Variants in IQGAP2 observed in about 807,000 individuals in gnomAD.
IQGAP2 encodes the protein IQ motif containing GTPase activating protein 2, also known as ras GTPase-activating-like protein IQGAP2.
In IQGAP2, 173 loss-of-function variants were observed where a neutral mutation model predicts 201.3. The observed-to-expected ratio is 0.86, with a 90% CI of 0.76 to 0.98. The LOEUF is 0.98. IQGAP2 is among the 50% of genes least tolerant of loss of function. The pLI, the probability that IQGAP2 is intolerant of heterozygous loss-of-function variation, is 0.00. For missense variants in IQGAP2, 1,687 were observed against 1,864.8 expected (o/e 0.90, Z 1.76); for synonymous variants, 675 against 673.9 (o/e 1.00, Z -0.03).
chr5:76,705,317 C>A (rs1231437723), intron 35 of IQGAP2, among the ~76,000 whole-genome samples: 1 of 152,154 alleles, frequency 6.6e-6, no homozygotes, highest in East Asian at 1.9e-4. Context: ...CCAGTAGCAC[C>A]CTTGTGAAAT....
At chr5:76,640,118 A>G in intron 16 of IQGAP2, among the ~76,000 whole-genome samples, 1 of 91,846 alleles carries the variant, frequency 1.1e-5, no homozygotes, top group South Asian at 5.4e-4. Context: ...TATTCTAAAC[A>G]ACTGGAATCC....
In IQGAP2 at chr5:76,628,380, T is replaced by C. The variant is rs186745626; in HGVS notation, c.1612+880T>C. ...ATCTCACAGTGGGTCCCTAAACTCT[T>C]TCTGTGGTTACTTCCCCACTTCTGG... On this transcript the variant is annotated intron_variant, in intron 14 of 35. Coordinates refer to ENST00000274364, the MANE Select transcript of IQGAP2 (RefSeq NM_006633.5). 1.4e-3 allele frequency among the ~76,000 whole-genome samples: 220 copies of C among 152,324 alleles called. 1 individual carries two copies. The highest frequency in any genetic ancestry group is 5.1e-3 in the African/African-American group (213 of 41,580).
At chr5:76,461,168 G>A (rs1206201281) in intron 1 of IQGAP2, among the ~76,000 whole-genome samples, 3 of 151,832 alleles carry the variant, frequency 2.0e-5, no homozygotes, top group East Asian at 1.9e-4. Context: ...GTGAGCCGCC[G>A]CACCTGGCCT....
At chr5:76,431,479 CTGTTTGGCATGCTT>C (rs962494484) in intron 1 of IQGAP2, among the ~76,000 whole-genome samples, 13 of 152,078 alleles carry the variant, frequency 8.5e-5, no homozygotes, top group Admixed American at 2.6e-4. Flanking sequence ...GGGCACTAGT[CTGTTTGGCATGCTT>C]TGTTTGGCAT....
chr5:76,431,684 G>A lies in IQGAP2; in HGVS notation c.46+28093G>A, dbSNP rs116376763. Among the ~76,000 whole-genome samples the A allele has an allele frequency of 6.6e-3, 1,003 of 152,154 alleles. 10 individuals carry two copies. Among genetic ancestry groups the A allele is most frequent in the African/African-American group, 0.022 (893 of 41,508 alleles). ...CTAAAAATATAAAAATTAGCCAAGC[G>A]TGGTAGCGCTTGCCTGTAGTCCCAG... On this transcript the variant is annotated intron_variant, in intron 1 of 35. Coordinates refer to ENST00000274364, the MANE Select transcript of IQGAP2 (RefSeq NM_006633.5).
chr5:76,706,845 A>T (rs1005634232), intron 35 of IQGAP2, among the ~76,000 whole-genome samples: 14 of 152,250 alleles, frequency 9.2e-5, no homozygotes, highest in African/African-American at 3.1e-4. Flanking sequence ...ATGCAAATTG[A>T]TGGGCCCCAC....
At chr5:76,685,766 G>A (rs975015613) in intron 30 of IQGAP2, among the ~76,000 whole-genome samples, 1 of 152,010 alleles carries the variant, frequency 6.6e-6, no homozygotes, top group African/African-American at 2.4e-5. Context: ...GCCAGCAGTG[G>A]GTTTATTTTT....
intron 3 of IQGAP2, among the ~76,000 whole-genome samples, chr5:76,567,200 C>T (rs1744810704): frequency 6.6e-6 from 1 of 152,198 alleles, no homozygotes; most frequent in Admixed American, 6.5e-5. Context: ...TCAGTTTCCT[C>T]ACCTGTGAAG....
intron 27 of IQGAP2, 155 bp from the exon 28 acceptor site, chr5:76,677,063 C>T: frequency 1.5e-6 from 1 of 661,570 alleles, no homozygotes; most frequent in Non-Finnish European, 2.5e-6. Flanking sequence ...GCTCCGACAG[C>T]CAGGAGCCAG....
chr5:76,424,030 T>C (rs1751868436), intron 1 of IQGAP2, among the ~76,000 whole-genome samples: 1 of 152,180 alleles, frequency 6.6e-6, no homozygotes, highest in Non-Finnish European at 1.5e-5. Context: ...GGGATATATA[T>C]TGTTCTTAAA....
chr5:76,661,776 C>T (rs1221919374), intron 21 of IQGAP2, among the ~76,000 whole-genome samples: 1 of 152,146 alleles, frequency 6.6e-6, no homozygotes, highest in East Asian at 1.9e-4. Flanking sequence ...TAATTATACT[C>T]TGCAGATACC....
At position 76,637,550 on chromosome 5, in the gene IQGAP2, A is replaced by G. The variant is rs182048172; in HGVS notation, c.1923+374A>G. Among the ~76,000 whole-genome samples the G allele has an allele frequency of 1.2e-3, 179 of 152,342 alleles. 1 individual carries two copies. Among genetic ancestry groups the G allele is most frequent in the African/African-American group, 4.1e-3 (172 of 41,584 alleles). Reference sequence around the variant, plus strand: ...TCCCCCCATCTCAGCCTGCAACTTAACATTGTACCTTTCAAACCAAAATGT... The same window carrying G: ...TCCCCCCATCTCAGCCTGCAACTTAGCATTGTACCTTTCAAACCAAAATGT... On this transcript the variant is annotated intron_variant, in intron 16 of 35. Coordinates refer to ENST00000274364, the MANE Select transcript of IQGAP2 (RefSeq NM_006633.5).
At chr5:76,688,879 AC>A (rs1173477101) in intron 30 of IQGAP2, among the ~76,000 whole-genome samples, 1 of 152,086 alleles carries the variant, frequency 6.6e-6, no homozygotes, top group East Asian at 1.9e-4. Context: ...ACAGGTATAA[AC>A]CTTTTCCTGG....
At chr5:76,581,704 A>G (rs989019690) in intron 5 of IQGAP2, among the ~76,000 whole-genome samples, 5 of 152,182 alleles carry the variant, frequency 3.3e-5, no homozygotes, top group Non-Finnish European at 1.5e-5. Flanking sequence ...GTTTAATTGA[A>G]CTAATTTCTC....
intron 3 of IQGAP2, among the ~76,000 whole-genome samples, chr5:76,568,617 T>A (rs1261299736): frequency 6.6e-6 from 1 of 152,204 alleles, no homozygotes; most frequent in Non-Finnish European, 1.5e-5. Context: ...TTAGGTTTAT[T>A]TAACTTGTTG....
At chr5:76,658,063 G>A (rs920613490) in intron 20 of IQGAP2, among the ~76,000 whole-genome samples, 47 of 152,230 alleles carry the variant, frequency 3.1e-4, no homozygotes, top group African/African-American at 1.1e-3. Flanking sequence ...CAGCAAGAAT[G>A]TAAGTCACTT....
At position 76,631,744 on chromosome 5, in the gene IQGAP2, A is replaced by G. The variant is rs561788445; in HGVS notation, c.1613-115A>G. On this transcript the variant is annotated intron_variant, in intron 14 of 35. Coordinates refer to ENST00000274364, the MANE Select transcript of IQGAP2 (RefSeq NM_006633.5). ...TGGGCATATGTGGTAAATATTCTCA[A>G]AGGGTAAAAATGTTTGATACTAATG... 4 of 704,668 alleles carry G rather than the reference A, an allele frequency of 5.7e-6. No individual in the cohort carries two copies. In the African/African-American group the frequency reaches 7.3e-5, roughly 13 times the overall value. The allele number at this position is 704,668 out of a possible 1,614,324, so 43.7% of individuals were successfully genotyped here. A position where few individuals can be genotyped will look rare whatever the true frequency, so the allele number is the denominator to read the frequency against.
intron 2 of IQGAP2, among the ~76,000 whole-genome samples, chr5:76,527,657 A>G (rs1759048540): frequency 6.6e-6 from 1 of 152,226 alleles, no homozygotes; most frequent in South Asian, 2.1e-4. Context: ...AGGACTTTAC[A>G]AGGTTCCTGT....
At chr5:76,519,992 T>C (rs1758566759) in intron 2 of IQGAP2, among the ~76,000 whole-genome samples, 1 of 152,210 alleles carries the variant, frequency 6.6e-6, no homozygotes, top group Non-Finnish European at 1.5e-5. Context: ...CTTGTCTTTT[T>C]ACTCTTATCA....
Sources: gnomAD v4.1 joint callset for allele counts (sites outside exome capture counted in the v4.1 genomes callset) on GRCh38, gnomAD v4.1.1 for gene constraint, MANE v1.5 for transcripts, NCBI Gene and HGNC (gene_info 2026-07-23, HGNC 2026-07-21) for gene names.